The following SH3BP4 variants were observed in gnomAD, a reference collection of about 807,000 sequenced individuals.
SH3BP4 encodes SH3 domain-binding protein 4.
A neutral mutation model predicts 65.5 loss-of-function variants in SH3BP4; 33 were observed. The ratio of observed to expected loss-of-function variants is 0.50; its 90% CI spans 0.38 to 0.67. The LOEUF is 0.67. Ranked by LOEUF, SH3BP4 falls within the 30% of genes least tolerant of loss-of-function variation. The pLI is 0.00. For missense variants in SH3BP4, 1,134 were observed against 1,261.4 expected (o/e 0.90, Z 1.53); for synonymous variants, 552 against 545.5 (o/e 1.01, Z -0.17).
Position 235,053,699 on chromosome 2 carries a change from A to C in SH3BP4, c.2775A>C (p.Lys925Asn). 1 of 1,614,178 alleles carries C rather than the reference A, an allele frequency of 6.2e-7. No homozygotes were observed. Among genetic ancestry groups the C allele is most frequent in the East Asian group, 2.2e-5 (1 of 44,884 alleles). The change falls in exon 6 of 6, where the codon AAA becomes AAC. Residue 925 changes from lysine to asparagine, a missense_variant. Coordinates refer to ENST00000392011, the MANE Select transcript of SH3BP4 (RefSeq NM_014521.3). The part of the protein sequence containing the change: ...QELHLGLDKM[K>N]NPITKRWKHL... ...TGCACCTGGGCCTGGACAAGATGAA[A>C]AACCCCATCACCAAGCGCTGGAAGC...
intron 2 of SH3BP4, among the ~76,000 whole-genome samples, chr2:235,014,069 T>C: frequency 6.6e-6 from 1 of 152,268 alleles, no homozygotes; most frequent in African/African-American, 2.4e-5. Context: ...TATTATTAGC[T>C]ATTAAAGTAT....
intron 1 of SH3BP4, chr2:234,981,658 T>G (rs1693387750): frequency 6.6e-6 from 1 of 152,182 alleles, no homozygotes; most frequent in Non-Finnish European, 1.5e-5. Context: ...ACAAGGATTC[T>G]TTGGTAACAA....
intron 1 of SH3BP4, chr2:234,979,959 T>C (rs1162470385): frequency 6.6e-6 from 1 of 152,266 alleles, no homozygotes; most frequent in Non-Finnish European, 1.5e-5. Context: ...TTAAGCCACA[T>C]CTGGATTCCT....
chr2:235,024,121 C>A (rs1694924932), intron 2 of SH3BP4, among the ~76,000 whole-genome samples: 1 of 152,198 alleles, frequency 6.6e-6, no homozygotes, highest in Non-Finnish European at 1.5e-5. Flanking sequence ...GAAATTCATT[C>A]ATTCATTCAC....
intron 1 of SH3BP4, among the ~76,000 whole-genome samples, chr2:234,975,548 G>T (rs1693143838): frequency 6.6e-6 from 1 of 152,212 alleles, no homozygotes; most frequent in Non-Finnish European, 1.5e-5. Context: ...GCACCGAGCA[G>T]TTCGCTCAAG....
In SH3BP4 at chr2:234,985,900, C is replaced by T. The variant is rs181533453; in HGVS notation, c.-206-9403C>T. On this transcript the variant is annotated intron_variant, in intron 1 of 5. Transcript: ENST00000392011. ...GTCCATGTGCAGGTGAACCAGCCCTCGACACACACCTACGAGAACAGGGAC... is the reference window on the plus strand; with the variant it reads ...GTCCATGTGCAGGTGAACCAGCCCTTGACACACACCTACGAGAACAGGGAC... Among the ~76,000 whole-genome samples the T allele has an allele frequency of 4.3e-3, 640 of 148,082 alleles. 4 individuals carry two copies. The highest frequency in any genetic ancestry group is 0.014 in the African/African-American group (552 of 39,132).
chr2:235,038,312 T>TAG lies in SH3BP4; in HGVS notation c.119-2576_119-2575insAG, dbSNP rs1491342675. Among the ~76,000 whole-genome samples, 77 of 10,246 alleles carry TAG rather than the reference T, an allele frequency of 7.5e-3. 6 individuals are homozygous for TAG. The highest frequency in any genetic ancestry group is 0.032 in the African/African-American group (61 of 1,912). 6.7% of individuals were successfully genotyped at this position (10,246 alleles called of 152,430 possible). A position where few individuals can be genotyped will look rare whatever the true frequency, so the allele number is the denominator to read the frequency against. On this transcript the variant is annotated intron_variant, in intron 3 of 5. Transcript: ENST00000392011. ...ATAATATATATATTATATATATATA[T>TAG]TATATATTATATATATATTATATAT...
intron 3 of SH3BP4, among the ~76,000 whole-genome samples, chr2:235,038,378 T>TATAC (rs1553567440): frequency 4.4e-5 from 1 of 22,756 alleles, no homozygotes; most frequent in Non-Finnish European, 7.8e-5. Flanking sequence ...TATATATACA[T>TATAC]ATATATATAT....
Position 235,053,943 on chromosome 2 carries a change from T to G in SH3BP4, c.*127T>G. The G allele has an allele frequency of 1.4e-6, 1 of 712,636 alleles. No individual in the cohort carries two copies. The highest frequency in any genetic ancestry group is 2.4e-5 in the Admixed American group (1 of 41,122). The allele number at this position is 712,636 out of a possible 1,614,324, so 44.1% of individuals were successfully genotyped here. A position where few individuals can be genotyped will look rare whatever the true frequency, so the allele number is the denominator to read the frequency against. On this transcript the variant is annotated 3_prime_UTR_variant, in exon 6 of 6. Coordinates refer to ENST00000392011, the MANE Select transcript of SH3BP4 (RefSeq NM_014521.3). ...TCAGACAGATTTAGGGCCCGCCAGC[T>G]AGGCTACACCCATCATGCGCCGCCC... is the stretch of plus-strand genomic sequence containing the variant.
rs757628792 is a variant in SH3BP4 at position 235,052,539 on chromosome 2, G to A, written c.2479-23G>A. 5.4e-5 allele frequency: 82 copies of A among 1,529,818 alleles called. No homozygotes were observed. The highest frequency in any genetic ancestry group is 1.1e-4 in the South Asian group (9 of 81,582). The allele number at this position is 1,529,818 out of a possible 1,614,324, so 94.8% of individuals were successfully genotyped here. Reference sequence around the variant, plus strand: ...TGCCCCACTCCCTACACTGTCTCACGCTGTGTGCCTCTTCCTCTGCAGGCC... The same window carrying A: ...TGCCCCACTCCCTACACTGTCTCACACTGTGTGCCTCTTCCTCTGCAGGCC... On this transcript the variant is annotated intron_variant, in intron 4 of 5. Transcript: ENST00000392011. The surrounding 1 kb of genome is among the most constrained non-coding windows in gnomAD (Gnocchi z 5.0).
At position 235,043,092 on chromosome 2, in the gene SH3BP4, G is replaced by T; in HGVS notation, c.2323G>T (p.Ala775Ser). ...CAGCAGCTGGCGCTCCTTCGCTGACGCCCTGGGCTACGTGAACCTGCCGCT... is the reference window on the plus strand; with the variant it reads ...CAGCAGCTGGCGCTCCTTCGCTGACTCCCTGGGCTACGTGAACCTGCCGCT... ...NISSWRSFADALGYVNLPLTF... is the reference protein window; with the variant it reads ...NISSWRSFADSLGYVNLPLTF... Residue 775 changes from alanine (A) to serine (S), a missense_variant, in exon 4 of 6, where the codon GCC becomes TCC. Transcript: ENST00000392011. The T allele has an allele frequency of 6.2e-7, 1 of 1,613,576 alleles. No homozygotes were observed. Among genetic ancestry groups the T allele is most frequent in the Non-Finnish European group, 8.5e-7 (1 of 1,179,930 alleles).
intron 3 of SH3BP4, among the ~76,000 whole-genome samples, chr2:235,038,383 ATATATAT>A (rs1695516988): frequency 5.8e-5 from 1 of 17,294 alleles, no homozygotes; most frequent in African/African-American, 1.5e-4. Flanking sequence ...ATACATATAT[ATATATAT>A]ATATATATAT....
At chr2:234,964,181 C>T (rs1692782014) in intron 1 of SH3BP4, among the ~76,000 whole-genome samples, 1 of 152,144 alleles carries the variant, frequency 6.6e-6, no homozygotes, top group Admixed American at 6.5e-5. Flanking sequence ...CCAGCATTCC[C>T]AGCACGCCCC....
In SH3BP4 at chr2:234,992,243, G is replaced by C. The variant is rs117181449; in HGVS notation, c.-206-3060G>C. 7.4e-4 allele frequency among the ~76,000 whole-genome samples: 112 copies of C among 152,330 alleles called. 1 individual carries two copies. The East Asian group carries it at 0.019, about 26-fold the overall frequency. ...CAGCGAAGATTTATTTTGTGCCTTG[G>C]GGGGCAGGAGCTGGGCAGCCTGGGG... On this transcript the variant is annotated intron_variant, in intron 1 of 5. Coordinates refer to ENST00000392011, the MANE Select transcript of SH3BP4 (RefSeq NM_014521.3).
intron 1 of SH3BP4, among the ~76,000 whole-genome samples, chr2:234,960,424 A>G (rs1396700021): frequency 6.6e-6 from 1 of 152,196 alleles, no homozygotes; most frequent in Non-Finnish European, 1.5e-5. Context: ...ACAGTGTGGG[A>G]CTAGGACATC....
At position 235,026,299 on chromosome 2, in the gene SH3BP4, G is replaced by C. The variant is rs111964935; in HGVS notation, c.-132-8572G>C. On this transcript the variant is annotated intron_variant, in intron 2 of 5. Coordinates refer to ENST00000392011, the MANE Select transcript of SH3BP4 (RefSeq NM_014521.3). This position sits in a 1 kb window ranked among gnomAD's most constrained non-coding sequence, Gnocchi z 4.6. ...GAAAACATCTGGAATCATGACTCCA[G>C]CCGCGCTAGCCATCTCACTTTTTAC... 1.8e-4 allele frequency among the ~76,000 whole-genome samples: 27 copies of C among 152,282 alleles called. No homozygotes were observed. The highest frequency in any genetic ancestry group is 3.4e-3 in the Middle Eastern group (1 of 294).
chr2:234,957,239 G>A (rs1223485647), intron 1 of SH3BP4, among the ~76,000 whole-genome samples: 1 of 152,052 alleles, frequency 6.6e-6, no homozygotes, highest in Non-Finnish European at 1.5e-5. Context: ...GGCTGGTCTT[G>A]AACTCCTGAC....
At position 234,977,049 on chromosome 2, in the gene SH3BP4, C is replaced by T. The variant is rs537251503; in HGVS notation, c.-206-18254C>T. Among the ~76,000 whole-genome samples, 50 of 152,292 alleles carry T rather than the reference C, an allele frequency of 3.3e-4. No homozygotes were observed. In the South Asian group the frequency reaches 6.8e-3, roughly 21 times the overall value. The stretch of plus-strand genomic sequence containing the variant: ...AGACACTCACAGGGAAGCCGGGTGG[C>T]GGGAGGCCTGTGGGAATTCTCTGTA... On this transcript the variant is annotated intron_variant, in intron 1 of 5. Coordinates refer to ENST00000392011, the MANE Select transcript of SH3BP4 (RefSeq NM_014521.3). This position sits in a 1 kb window ranked among gnomAD's most constrained non-coding sequence, Gnocchi z 5.1.
chr2:235,034,856 C>T lies in SH3BP4; in HGVS notation c.-132-15C>T, dbSNP rs1334056703. 1.2e-5 allele frequency: 8 copies of T among 640,042 alleles called. No homozygotes were observed. The highest frequency in any genetic ancestry group is 1.9e-5 in the South Asian group (1 of 51,738). 39.6% of individuals were successfully genotyped at this position (640,042 alleles called of 1,614,324 possible). On this transcript the variant is annotated splice_polypyrimidine_tract_variant and intron_variant, in intron 2 of 5. Transcript: ENST00000392011. This position sits in a 1 kb window ranked among gnomAD's most constrained non-coding sequence, Gnocchi z 6.2. ...GCTTGCTTAAGGGACTTTTTTGTTCCTCCTCTACTTTCAGGAAGAAACATA... is the reference window on the plus strand; with the variant it reads ...GCTTGCTTAAGGGACTTTTTTGTTCTTCCTCTACTTTCAGGAAGAAACATA...
Sources: gnomAD v4.1 joint callset for allele counts (sites outside exome capture counted in the v4.1 genomes callset) on GRCh38, gnomAD v4.1.1 for gene constraint, Gnocchi (gnomAD v3.1) non-coding constraint, MANE v1.5 for transcripts, NCBI Gene and HGNC (gene_info 2026-07-23, HGNC 2026-07-21) for gene names.